The following INTS8 variants were observed in gnomAD, a reference collection of about 807,000 sequenced individuals.
INTS8 encodes protein kaonashi-1.
In INTS8, 47 loss-of-function variants were observed where a neutral mutation model predicts 138.9. The ratio of observed to expected loss-of-function variants is 0.34; its 90% CI spans 0.27 to 0.43. The LOEUF (loss-of-function observed/expected upper bound fraction) is 0.43. Among genes scored for constraint, INTS8 ranks in the 20% least tolerant of loss-of-function variants. The probability of loss-of-function intolerance (pLI) is 1.00; values close to 1 mark genes in which losing one functional copy is unlikely to be tolerated. For synonymous variants in INTS8, 392 were observed against 400.9 expected, an observed-to-expected ratio of 0.98 and a Z score of 0.27; for missense variants, 996 against 1,173.0, an observed-to-expected ratio of 0.85 and a Z score of 2.20.
intron 10 of INTS8, among the ~76,000 whole-genome samples, chr8:94,848,168 C>G (rs1815400834): frequency 6.6e-6 from 1 of 151,828 alleles, no homozygotes; most frequent in Non-Finnish European, 1.5e-5. Flanking sequence ...TGTCACCATG[C>G]CCACGTAATT....
chr8:94,829,082 G>A, intron 5 of INTS8, 56 bp downstream of exon 5: 1 of 1,306,038 alleles, frequency 7.7e-7, no homozygotes, highest in Non-Finnish European at 1.1e-6. Flanking sequence ...TAGAGCAGCA[G>A]TTCCCAACCT....
intron 22 of INTS8, 63 bp downstream of exon 22, chr8:94,873,540 C>T: frequency 9.4e-7 from 1 of 1,061,760 alleles, no homozygotes; most frequent in Non-Finnish European, 1.5e-6. Flanking sequence ...CCTGGGTCCC[C>T]TTTTGGCTGA....
chr8:94,862,218 A>G (rs958687697), intron 16 of INTS8, among the ~76,000 whole-genome samples: 5 of 152,228 alleles, frequency 3.3e-5, no homozygotes, highest in African/African-American at 1.2e-4. Context: ...CTGGGATTAC[A>G]GGCATAAGCC....
At chr8:94,829,977 A>C (rs1349424838) in intron 5 of INTS8, among the ~76,000 whole-genome samples, 1 of 152,142 alleles carries the variant, frequency 6.6e-6, no homozygotes, top group African/African-American at 2.4e-5. Flanking sequence ...GCTCACTGCA[A>C]CTTCGCCTCC....
rs140060323 is a variant in INTS8, at chr8:94,871,951, A to G, written c.2482A>G (p.Ile828Val). 1.8e-4 allele frequency: 285 copies of G among 1,606,076 alleles called. 3 individuals are homozygous for G. In the Admixed American group the frequency reaches 4.6e-3, roughly 26 times the overall value. ...AGAGCTAGTTCGATATACACTCAGT[A>G]TAAATCCAAATAACCATTCTTGGTT... is the stretch of plus-strand genomic sequence containing the variant. ...VKELVRYTLS[I>V]NPNNHSWLII... The change falls in exon 21 of 27, where the codon ATA (isoleucine) becomes GTA (valine). Residue 828 changes from isoleucine (I) to valine (V), a missense_variant. Transcript: ENST00000523731.
chr8:94,869,186 G>A (rs907424489), intron 20 of INTS8, among the ~76,000 whole-genome samples: 3 of 151,460 alleles, frequency 2.0e-5, no homozygotes, highest in African/African-American at 7.3e-5. Flanking sequence ...TCTTCATGTT[G>A]GTCAGGCTGG....
intron 15 of INTS8, 83 bp from the exon 16 acceptor site, chr8:94,859,416 TTTTTTTATTCAG>T: frequency 7.8e-7 from 1 of 1,290,070 alleles, no homozygotes. Context: ...ACCCGTCCTG[TTTTTTTATTCAG>T]TTGAAATCTG....
chr8:94,878,919 CCTT>C (rs1427200214), intron 26 of INTS8, among the ~76,000 whole-genome samples: 1 of 152,150 alleles, frequency 6.6e-6, no homozygotes, highest in Non-Finnish European at 1.5e-5. Context: ...TTGGGTGTCT[CCTT>C]CTGCCTACTC....
chr8:94,830,007 T>C (rs1814654229), intron 5 of INTS8, among the ~76,000 whole-genome samples: 1 of 152,232 alleles, frequency 6.6e-6, no homozygotes, highest in Non-Finnish European at 1.5e-5. Context: ...GCAATTTTCC[T>C]GCCTCAGCCT....
chr8:94,832,423 C>T (rs1460857234), intron 6 of INTS8, among the ~76,000 whole-genome samples: 1 of 152,108 alleles, frequency 6.6e-6, no homozygotes, highest in Non-Finnish European at 1.5e-5. Context: ...AGTTTAAGTA[C>T]TGAGAATACA....
At chr8:94,847,521 A>G (rs1226506821) in intron 10 of INTS8, among the ~76,000 whole-genome samples, 2 of 152,108 alleles carry the variant, frequency 1.3e-5, no homozygotes, top group African/African-American at 4.8e-5. Context: ...GGCCTGGGTA[A>G]TTTTTTTGTG....
At chr8:94,827,066 C>T (rs1362813080) in intron 2 of INTS8, among the ~76,000 whole-genome samples, 197 bp from the exon 3 acceptor site, 1 of 152,138 alleles carries the variant, frequency 6.6e-6, no homozygotes, top group East Asian at 1.9e-4. Context: ...GATTGTGCCA[C>T]TGCACTCCAG....
intron 1 of INTS8, 43 bp downstream of exon 1, chr8:94,823,604 G>A (rs1324787311): frequency 6.9e-7 from 1 of 1,447,574 alleles, no homozygotes; most frequent in East Asian, 2.6e-5. Context: ...CCCGGCCACC[G>A]GCGCTGTCCG....
chr8:94,870,240 A>G (rs927652032), intron 20 of INTS8, among the ~76,000 whole-genome samples: 2 of 151,774 alleles, frequency 1.3e-5, no homozygotes, highest in African/African-American at 4.8e-5. Context: ...TTTAGTAGAG[A>G]CGGGGTTTCA....
intron 10 of INTS8, among the ~76,000 whole-genome samples, chr8:94,845,677 G>A (rs61344788): frequency 4.6e-4 from 70 of 152,254 alleles, no homozygotes; most frequent in African/African-American, 1.5e-3. Context: ...TGGCCAGGCT[G>A]GTCTCAAACT....
chr8:94,831,160 C>A (rs1286943085), intron 5 of INTS8, among the ~76,000 whole-genome samples: 3 of 152,108 alleles, frequency 2.0e-5, no homozygotes, highest in African/African-American at 7.2e-5. Flanking sequence ...GTCACCCAGG[C>A]TGGAGTGCAG....
At chr8:94,833,232 A>G in intron 6 of INTS8, among the ~76,000 whole-genome samples, 1 of 152,116 alleles carries the variant, frequency 6.6e-6, no homozygotes, top group East Asian at 1.9e-4. Flanking sequence ...AAAAATAGTT[A>G]TGACAGTTTT....
intron 10 of INTS8, among the ~76,000 whole-genome samples, chr8:94,847,044 A>AT (rs1815357371): frequency 1.3e-5 from 2 of 151,866 alleles, no homozygotes; most frequent in African/African-American, 4.8e-5. Flanking sequence ...ACATATTTTT[A>AT]TTTTTTTATT....
intron 20 of INTS8, 142 bp downstream of exon 20, chr8:94,867,479 A>G (rs1226410599): frequency 1.6e-6 from 1 of 615,932 alleles, no homozygotes; most frequent in African/African-American, 1.9e-5. Context: ...CTATTATGAT[A>G]ATGATAATTA....
Sources: allele counts gnomAD v4.1 joint callset (sites outside exome capture counted in the v4.1 genomes callset), GRCh38; gene constraint gnomAD v4.1.1; transcripts MANE v1.5; gene names NCBI Gene and HGNC (gene_info 2026-07-23, HGNC 2026-07-21).